ABCC4: variants seen among roughly 807,000 people sequenced by gnomAD.
ABCC4 encodes the protein ATP-binding cassette sub-family C member 4.
ABCC4 carries 102 observed loss-of-function variants against 168.5 expected under a neutral mutation model. The observed-to-expected ratio is 0.61, with a 90% CI of 0.52 to 0.71. The LOEUF (loss-of-function observed/expected upper bound fraction) is 0.71. Among genes scored for constraint, ABCC4 ranks in the 30% least tolerant of loss-of-function variants. The pLI is 0.00. For synonymous variants in ABCC4, 617 were observed against 590.7 expected (o/e 1.04, Z -0.65); for missense variants, 1,402 against 1,605.8 (o/e 0.87, Z 2.17).
intron 20 of ABCC4, among the ~76,000 whole-genome samples, chr13:95,088,698 G>A (rs2034335427): frequency 6.6e-6 from 1 of 151,842 alleles, no homozygotes; most frequent in Admixed American, 6.6e-5. Context: ...AAAATTTCAG[G>A]ACTGCAACTA....
chr13:95,179,301 C>T lies in ABCC4; in HGVS notation c.1546-1210G>A, dbSNP rs189654933. Among the ~76,000 whole-genome samples, 25 of 152,188 alleles carry T rather than the reference C, an allele frequency of 1.6e-4. 1 individual carries two copies. In the East Asian group the frequency reaches 4.8e-3, roughly 29 times the overall value. ...CAATAGACTGACAGAAAAAAAACTGCAAAGAATAAGAGCAGAAAGAGCAGC... is the reference window on the plus strand; with the variant it reads ...CAATAGACTGACAGAAAAAAAACTGTAAAGAATAAGAGCAGAAAGAGCAGC... On this transcript the variant is annotated intron_variant, in intron 11 of 30. Coordinates refer to ENST00000645237, the MANE Select transcript of ABCC4 (RefSeq NM_005845.5).
At chr13:95,075,670 C>T in intron 21 of ABCC4, 119 bp from the exon 22 acceptor site, 2 of 1,326,490 alleles carry the variant, frequency 1.5e-6, no homozygotes. Flanking sequence ...TAGGAGGCTT[C>T]ATGTTTCAAG....
At chr13:95,113,168 T>C (rs1457790633) in intron 20 of ABCC4, among the ~76,000 whole-genome samples, 1 of 152,150 alleles carries the variant, frequency 6.6e-6, no homozygotes, top group Admixed American at 6.5e-5. Flanking sequence ...AGACAAAATT[T>C]CCTTTGCAAA....
At chr13:95,053,699 G>A (rs990755342) in intron 26 of ABCC4, 12 of 163,038 alleles carry the variant, frequency 7.4e-5, no homozygotes, top group East Asian at 1.7e-4. Flanking sequence ...ATCTCTCACC[G>A]GGCGCAGTGG....
chr13:95,233,061 C>T (rs2039667574), intron 4 of ABCC4, among the ~76,000 whole-genome samples: 1 of 152,124 alleles, frequency 6.6e-6, no homozygotes, highest in African/African-American at 2.4e-5. Flanking sequence ...TGAACACACA[C>T]AGATTTTTTT....
At chr13:95,098,758 G>A (rs2034695630) in intron 20 of ABCC4, among the ~76,000 whole-genome samples, 1 of 152,088 alleles carries the variant, frequency 6.6e-6, no homozygotes, top group South Asian at 2.1e-4. Context: ...CAGAAAATAA[G>A]ACACTTGAAT....
At chr13:95,240,531 AAC>A (rs56298285) in intron 3 of ABCC4, among the ~76,000 whole-genome samples, 2,413 of 149,610 alleles carry the variant, frequency 0.016, 23 homozygotes, top group Middle Eastern at 0.059. Flanking sequence ...TCCATCTCAA[AAC>A]ACACACACAC....
chr13:95,228,348 A>T (rs563326338), intron 4 of ABCC4, among the ~76,000 whole-genome samples: 2 of 152,272 alleles, frequency 1.3e-5, no homozygotes, highest in Non-Finnish European at 2.9e-5. Context: ...AGGGTGCACA[A>T]GCCCAGCCTC....
intron 20 of ABCC4, 110 bp from the exon 21 acceptor site, chr13:95,083,400 G>T: frequency 7.7e-7 from 1 of 1,304,346 alleles, no homozygotes; most frequent in Non-Finnish European, 1.0e-6. Context: ...ACTTATTGTA[G>T]TACCAGGGAC....
In ABCC4 at chr13:95,020,701, A is replaced by G. The variant is rs1223108166; in HGVS notation, c.*874T>C. On this transcript the variant is annotated 3_prime_UTR_variant, in exon 31 of 31. Transcript: ENST00000645237. ...GCCCAAACCAAAAGGCTTACAGTCA[A>G]CAGAGGGTTAGCCTTCCATAAATGA... is the stretch of plus-strand genomic sequence containing the variant. 1.3e-5 allele frequency: 2 copies of G among 152,252 alleles called. No individual in the cohort carries two copies. Among genetic ancestry groups the G allele is most frequent in the Non-Finnish European group, 1.5e-5 (1 of 68,042 alleles). 9.4% of individuals were successfully genotyped at this position (152,252 alleles called of 1,614,324 possible).
At position 95,234,590 on chromosome 13, in the gene ABCC4, T is replaced by C; in HGVS notation, c.531+20A>G. 1 of 1,597,976 alleles carries C rather than the reference T, an allele frequency of 6.3e-7. No homozygotes were observed. Among genetic ancestry groups the C allele is most frequent in the Non-Finnish European group, 8.6e-7 (1 of 1,165,554 alleles). ...TGATGCTTCAGGTGAGGTACATGTT[T>C]AATGCTGAATGTCACTTACCTTCCG... is the stretch of plus-strand genomic sequence containing the variant. On this transcript the variant is annotated intron_variant, in intron 4 of 30. Coordinates refer to ENST00000645237, the MANE Select transcript of ABCC4 (RefSeq NM_005845.5).
intron 8 of ABCC4, among the ~76,000 whole-genome samples, chr13:95,205,728 G>C (rs550516552): frequency 2.6e-5 from 4 of 152,322 alleles, no homozygotes; most frequent in African/African-American, 9.6e-5. Flanking sequence ...TTAAGAGGTG[G>C]GGCCTCTAAG....
At chr13:95,240,370 AAAAATAC>A (rs1355251161) in intron 3 of ABCC4, among the ~76,000 whole-genome samples, 1 of 152,050 alleles carries the variant, frequency 6.6e-6, no homozygotes, top group Non-Finnish European at 1.5e-5. Context: ...CATCTCTACT[AAAAATAC>A]AAAATTACCC....
intron 3 of ABCC4, 26 bp from the exon 4 acceptor site, chr13:95,234,860 T>G: frequency 6.9e-7 from 1 of 1,443,020 alleles, no homozygotes; most frequent in South Asian, 1.3e-5. Flanking sequence ...GAAAAGCCTT[T>G]AATTAGACAT....
chr13:95,171,544 A>G lies in ABCC4; in HGVS notation c.1728-916T>C, dbSNP rs140849941. ...GCACTCCAGCCTGGTTGACAGAGTAAGACCCTGTCTCAAAAAGAAAAAAAG... is the reference window on the plus strand; with the variant it reads ...GCACTCCAGCCTGGTTGACAGAGTAGGACCCTGTCTCAAAAAGAAAAAAAG... On this transcript the variant is annotated intron_variant, in intron 13 of 30. Transcript: ENST00000645237. Among the ~76,000 whole-genome samples, 885 of 151,418 alleles carry G rather than the reference A, an allele frequency of 5.8e-3. 8 individuals are homozygous for G. Among genetic ancestry groups the G allele is most frequent in the Middle Eastern group, 0.038 (11 of 292 alleles).
At chr13:95,051,851 G>A (rs908850394) in intron 27 of ABCC4, among the ~76,000 whole-genome samples, 6 of 151,884 alleles carry the variant, frequency 4.0e-5, no homozygotes, top group Non-Finnish European at 7.4e-5. Flanking sequence ...ATTTTTAGTA[G>A]ACACAGGGTT....
At chr13:95,158,175 G>A (rs1224423229) in intron 19 of ABCC4, among the ~76,000 whole-genome samples, 1 of 152,104 alleles carries the variant, frequency 6.6e-6, no homozygotes, top group East Asian at 1.9e-4. Flanking sequence ...AGTGAACTTG[G>A]GACCACAGTG....
At position 95,074,204 on chromosome 13, in the gene ABCC4, C is replaced by T. The variant is rs372822237; in HGVS notation, c.2917+10G>A. 8.2e-6 allele frequency: 13 copies of T among 1,591,174 alleles called. No individual in the cohort carries two copies. The African/African-American group carries it at 1.6e-4, about 20-fold the overall frequency. ...TCATACCATACATAGTTATTCACAT[C>T]TGTACTTACTTTTTGCCAGAATCAG... is the stretch of plus-strand genomic sequence containing the variant. On this transcript the variant is annotated intron_variant, in intron 23 of 30. Transcript: ENST00000645237.
At chr13:95,130,609 T>C (rs775705159) in intron 19 of ABCC4, among the ~76,000 whole-genome samples, 8 of 152,342 alleles carry the variant, frequency 5.3e-5, no homozygotes, top group Middle Eastern at 3.4e-3. Flanking sequence ...TTATTCGCAT[T>C]AAGTGCTGAC....
Sources: gnomAD v4.1 joint callset for allele counts (sites outside exome capture counted in the v4.1 genomes callset) on GRCh38, gnomAD v4.1.1 for gene constraint, MANE v1.5 for transcripts, NCBI Gene and HGNC (gene_info 2026-07-23, HGNC 2026-07-21) for gene names.